The following SYS1 variants were observed in gnomAD, a reference collection of about 807,000 sequenced individuals.
The protein encoded by SYS1 is protein SYS1 homolog.
In SYS1, 8 loss-of-function variants were observed where a neutral mutation model predicts 17.8. That is an observed-to-expected ratio of 0.45 (90% CI 0.26 to 0.81). The LOEUF (loss-of-function observed/expected upper bound fraction) is 0.81. SYS1 is among the 40% of genes least tolerant of loss of function. The pLI is 0.16. For missense variants in SYS1, 161 were observed against 203.9 expected (o/e 0.79, Z 1.28); for synonymous variants, 95 against 90.9 (o/e 1.05, Z -0.26).
At chr20:45,365,439 T>C in intron 2 of SYS1, 180 bp from the exon 3 acceptor site, 2 of 746,260 alleles carry the variant, frequency 2.7e-6, no homozygotes, top group Non-Finnish European at 4.9e-6. Flanking sequence ...GAGAAACAAA[T>C]GAAATCCCAT....
rs144595887 is a variant in SYS1 at position 45,364,253 on chromosome 20, A to C, written c.162+560A>C. ...GCAAGGGTTCAGTCTAGGCCTAAAC[A>C]TATAAAACTAGCTGTGGGACCTTGG... On this transcript the variant is annotated intron_variant, in intron 2 of 3. Transcript: ENST00000243918. Among the ~76,000 whole-genome samples, 463 of 152,304 alleles carry C rather than the reference A, an allele frequency of 3.0e-3. 3 individuals are homozygous for C. The highest frequency in any genetic ancestry group is 0.011 in the African/African-American group (443 of 41,552).
exon 4 of SYS1, chr20:45,374,374 C>T (rs898113345): frequency 1.6e-6 from 1 of 639,788 alleles, no homozygotes; most frequent in Non-Finnish European, 2.8e-6. Context: ...TGGGCTTAAG[C>T]GATCCTCCGA....
exon 4 of SYS1, chr20:45,374,902 A>G: frequency 8.2e-7 from 1 of 1,225,388 alleles, no homozygotes; most frequent in Non-Finnish European, 1.1e-6. Flanking sequence ...TCTGGACATG[A>G]AGGCGGAGCC....
At chr20:45,375,038 C>A in exon 4 of SYS1, 1 of 1,612,132 alleles carries the variant, frequency 6.2e-7, no homozygotes, top group Non-Finnish European at 8.5e-7. Flanking sequence ...GTCACACCCA[C>A]CTTGTATGGA....
Position 45,367,213 on chromosome 20 carries a change from C to T in SYS1, c.*98C>T. ...AGGTCCAGCCCAGATCTGAGAGGAACCCTGGAAATGTGAAGTCTCTGTTGG... is the reference window on the plus strand; with the variant it reads ...AGGTCCAGCCCAGATCTGAGAGGAATCCTGGAAATGTGAAGTCTCTGTTGG... On this transcript the variant is annotated 3_prime_UTR_variant, in exon 4 of 4. Transcript: ENST00000243918. 3.3e-6 allele frequency: 5 copies of T among 1,537,004 alleles called. No individual in the cohort carries two copies. The highest frequency in any genetic ancestry group is 4.4e-6 in the Non-Finnish European group (5 of 1,142,384).
chr20:45,365,672 C>T lies in SYS1; in HGVS notation c.216C>T (p.Leu72=), dbSNP rs755727440. 2.5e-6 allele frequency: 4 copies of T among 1,614,186 alleles called. No individual in the cohort carries two copies. The highest frequency in any genetic ancestry group is 3.4e-6 in the Non-Finnish European group (4 of 1,180,014). ...GGCTCTCCATGATGTCCTTCATCCTCAACGCCCTCACCTGGTGAGTATCAC... is the reference window on the plus strand; with the variant it reads ...GGCTCTCCATGATGTCCTTCATCCTTAACGCCCTCACCTGGTGAGTATCAC... ...PGRLSMMSFI[L]NALTCALGLL... is the part of the protein sequence containing the mutation. The change falls in exon 3 of 4, where the codon CTC becomes CTT. Residue 72 remains leucine (L), a synonymous_variant. Transcript: ENST00000243918.
upstream of SYS1, among the ~76,000 whole-genome samples, chr20:45,362,347 T>TTTTA (rs56348135): frequency 0.095 from 14,111 of 149,254 alleles, 810 homozygotes; most frequent in Non-Finnish European, 0.12. Flanking sequence ...AACACTTGAA[T>TTTTA]TTTATTTATT....
Position 45,365,425 on chromosome 20 carries a change from C to T in SYS1, c.163-194C>T, listed in dbSNP as rs1327250272. 4 of 720,322 alleles carry T rather than the reference C, an allele frequency of 5.6e-6. No individual in the cohort carries two copies. In the Admixed American group the frequency reaches 7.7e-5, roughly 14 times the overall value. 44.6% of individuals were successfully genotyped at this position (720,322 alleles called of 1,614,324 possible). ...AATGAGAATAATCCCTTTCCACCTGCTGTGAGAAACAAATGAAATCCCATA... is the reference window on the plus strand; with the variant it reads ...AATGAGAATAATCCCTTTCCACCTGTTGTGAGAAACAAATGAAATCCCATA... On this transcript the variant is annotated intron_variant, in intron 2 of 3. Transcript: ENST00000243918.
chr20:45,364,681 C>T (rs577267041), intron 2 of SYS1, among the ~76,000 whole-genome samples: 18 of 151,858 alleles, frequency 1.2e-4, no homozygotes, highest in Admixed American at 2.6e-4. Context: ...CCGTTTTAGC[C>T]GGGATGGTCT....
chr20:45,372,422 T>G (rs1988582897), downstream of SYS1: 1 of 152,238 alleles, frequency 6.6e-6, no homozygotes, highest in South Asian at 2.1e-4. Context: ...CAGCCTCCAC[T>G]TGGGGCTCCC....
chr20:45,363,804 C>T (rs1347466304), intron 2 of SYS1, 111 bp downstream of exon 2: 2 of 1,208,880 alleles, frequency 1.7e-6, no homozygotes, highest in Admixed American at 2.6e-5. Context: ...CTTTGTAGCC[C>T]TGGGAAAGGG....
intron 1 of SYS1, 80 bp downstream of exon 1, chr20:45,363,395 ATGGGTC>A: frequency 7.0e-7 from 1 of 1,438,246 alleles, no homozygotes; most frequent in East Asian, 2.5e-5. Flanking sequence ...CACTCTGAGA[ATGGGTC>A]TGTCTGCCCC....
chr20:45,371,955 C>T (rs1312148888), downstream of SYS1, among the ~76,000 whole-genome samples: 1 of 152,232 alleles, frequency 6.6e-6, no homozygotes, highest in Non-Finnish European at 1.5e-5. Flanking sequence ...ATTTTATAAA[C>T]ATGAAATAGG....
chr20:45,363,256 G>T lies in SYS1; in HGVS notation c.-63G>T. On this transcript the variant is annotated 5_prime_UTR_variant, in exon 1 of 4. Transcript: ENST00000243918. ...TGGTCCTGTCTGTCAGCGCTGTTTT[G>T]GGAGCCCGCCGGTGAGGCCGGGCCA... 8.3e-7 allele frequency: 1 copy of T among 1,210,306 alleles called. No individual in the cohort carries two copies. The highest frequency in any genetic ancestry group is 1.0e-6 in the Non-Finnish European group (1 of 966,244). 75.0% of individuals were successfully genotyped at this position (1,210,306 alleles called of 1,614,324 possible). A position where few individuals can be genotyped will look rare whatever the true frequency, so the allele number is the denominator to read the frequency against.
downstream of SYS1, among the ~76,000 whole-genome samples, chr20:45,370,139 G>C (rs76812398): frequency 0.023 from 3,562 of 151,916 alleles, 139 homozygotes; most frequent in African/African-American, 0.081. Flanking sequence ...TGGCCAGGCT[G>C]GTCTCGAACT....
exon 4 of SYS1, chr20:45,374,705 A>G: frequency 2.3e-6 from 1 of 436,152 alleles, no homozygotes; most frequent in Non-Finnish European, 4.1e-6. Context: ...AAATCCTTAA[A>G]CCCACTTATG....
upstream of SYS1, chr20:45,362,031 T>C (rs1600741833): frequency 2.0e-6 from 2 of 985,186 alleles, no homozygotes; most frequent in East Asian, 1.1e-4. Context: ...TAGGAATAAG[T>C]GAGTTATCGA....
downstream of SYS1, chr20:45,373,765 AG>A: frequency 1.6e-6 from 1 of 626,310 alleles, no homozygotes. Context: ...GACTGACCTT[AG>A]GGGCCTCGGG....
In SYS1 at chr20:45,368,975, G is replaced by A; in HGVS notation, c.*1860G>A. The A allele has an allele frequency of 1.2e-6, 1 of 809,864 alleles. No individual in the cohort carries two copies. Among genetic ancestry groups the A allele is most frequent in the Non-Finnish European group, 1.5e-6 (1 of 669,210 alleles). 50.2% of individuals were successfully genotyped at this position (809,864 alleles called of 1,614,324 possible). On this transcript the variant is annotated 3_prime_UTR_variant, in exon 4 of 4. Coordinates refer to ENST00000243918, the MANE Select transcript of SYS1 (RefSeq NM_033542.4). The stretch of plus-strand genomic sequence containing the variant: ...GATGACAAATCTCTGTCCCCTGAGT[G>A]TTAATTTGATTTTTAGAAATGGCCA...
Sources: gnomAD v4.1 joint callset for allele counts (sites outside exome capture counted in the v4.1 genomes callset) on GRCh38, gnomAD v4.1.1 for gene constraint, MANE v1.5 for transcripts, NCBI Gene and HGNC (gene_info 2026-07-23, HGNC 2026-07-21) for gene names.